ACBD3: variants seen among roughly 807,000 people sequenced by gnomAD.
ACBD3 encodes Golgi resident protein GCP60.
Under a neutral mutation model 66.9 loss-of-function variants are expected in ACBD3, and 30 were observed. The observed-to-expected ratio is 0.45, with a 90% confidence interval of 0.34 to 0.61. The LOEUF (loss-of-function observed/expected upper bound fraction) is 0.61. ACBD3 is among the 20% of genes least tolerant of loss of function. ACBD3 has a pLI of 0.02. For missense variants in ACBD3, 544 were observed against 664.5 expected, an observed-to-expected ratio of 0.82 and a Z score of 1.99; for synonymous variants, 278 against 259.8, an observed-to-expected ratio of 1.07 and a Z score of -0.68.
intron 1 of ACBD3, among the ~76,000 whole-genome samples, chr1:226,169,551 C>T (rs1659947745): frequency 8.1e-6 from 1 of 123,576 alleles, no homozygotes; most frequent in South Asian, 2.9e-4. Context: ...GCCTGGACTG[C>T]CTGGCTATTT....
intron 1 of ACBD3, among the ~76,000 whole-genome samples, chr1:226,180,652 C>T (rs1481227810): frequency 2.0e-5 from 3 of 152,132 alleles, no homozygotes; most frequent in African/African-American, 4.8e-5. Flanking sequence ...CTTTAGTGCA[C>T]TGCATGTGTG....
At chr1:226,182,344 C>T (rs892886370) in intron 1 of ACBD3, among the ~76,000 whole-genome samples, 14 of 151,730 alleles carry the variant, frequency 9.2e-5, no homozygotes, top group African/African-American at 3.4e-4. Context: ...TGGCCAGGCG[C>T]GGTGGTTCAC....
chr1:226,179,911 G>A (rs763693650), intron 1 of ACBD3, among the ~76,000 whole-genome samples: 11 of 151,966 alleles, frequency 7.2e-5, no homozygotes, highest in South Asian at 2.1e-4. Context: ...AGCAGCTCAC[G>A]CCTGTAATCC....
At chr1:226,184,384 T>C (rs1320251154) in intron 1 of ACBD3, among the ~76,000 whole-genome samples, 1 of 152,220 alleles carries the variant, frequency 6.6e-6, no homozygotes, top group Non-Finnish European at 1.5e-5. Flanking sequence ...GGATATTGCT[T>C]TGAGAACTTC....
intron 1 of ACBD3, among the ~76,000 whole-genome samples, chr1:226,182,557 G>C (rs1656195461): frequency 6.6e-6 from 1 of 152,020 alleles, no homozygotes; most frequent in Non-Finnish European, 1.5e-5. Context: ...GAGGTTGCAG[G>C]GAGTGGAGAT....
chr1:226,177,620 G>A (rs535642936), intron 1 of ACBD3, among the ~76,000 whole-genome samples: 1 of 152,228 alleles, frequency 6.6e-6, no homozygotes, highest in East Asian at 1.9e-4. Context: ...CCATAGACTA[G>A]GGGAGTCAGA....
intron 4 of ACBD3, among the ~76,000 whole-genome samples, chr1:226,161,157 T>TTTTTTTTTTA (rs10674358): frequency 7.3e-5 from 11 of 151,266 alleles, no homozygotes; most frequent in South Asian, 2.1e-4. Context: ...TTTTTTTTTT[T>TTTTTTTTTTA]GAGACGGAGT....
chr1:226,175,192 T>G (rs985186233), intron 1 of ACBD3, among the ~76,000 whole-genome samples: 2 of 152,080 alleles, frequency 1.3e-5, no homozygotes, highest in Non-Finnish European at 2.9e-5. Context: ...ATCTAGACTT[T>G]TATGCCCAAT....
At chr1:226,160,470 A>G (rs1558126038) in intron 4 of ACBD3, among the ~76,000 whole-genome samples, 1 of 152,186 alleles carries the variant, frequency 6.6e-6, no homozygotes, top group African/African-American at 2.4e-5. Context: ...ATAACAAAGC[A>G]AAGCCTCACA....
intron 3 of ACBD3, among the ~76,000 whole-genome samples, chr1:226,162,219 T>C (rs1367552672): frequency 6.7e-6 from 1 of 149,968 alleles, no homozygotes; most frequent in Non-Finnish European, 1.5e-5. Context: ...AGCCAAAGGA[T>C]AGAAATACAT....
intron 1 of ACBD3, among the ~76,000 whole-genome samples, chr1:226,166,227 C>T (rs1016883175): frequency 2.0e-5 from 3 of 151,582 alleles, no homozygotes; most frequent in Non-Finnish European, 2.9e-5. Context: ...GTGATGAAGG[C>T]TCACTGAAGC....
Position 226,182,137 on chromosome 1 carries a change from G to A in ACBD3, c.286+4253C>T, listed in dbSNP as rs571723541. On this transcript the variant is annotated intron_variant, in intron 1 of 7. Transcript: ENST00000366812. Reference sequence around the variant, plus strand: ...TCCCAGTCACACAGGAGGATGAGGTGGGAGGATGGCTTGAGCCTGGGAGGC... The same window carrying A: ...TCCCAGTCACACAGGAGGATGAGGTAGGAGGATGGCTTGAGCCTGGGAGGC... 2.0e-5 allele frequency among the ~76,000 whole-genome samples: 3 copies of A among 152,116 alleles called. No homozygotes were observed. The South Asian group carries it at 6.2e-4, about 32-fold the overall frequency.
rs369852670 is a variant in ACBD3 at position 226,161,146 on chromosome 1, C to CTTTTTT, written c.728+379_728+384dup. On this transcript the variant is annotated intron_variant, in intron 4 of 7. Transcript: ENST00000366812. Reference sequence around the variant, plus strand: ...AACCCCCAAACCTTCTAATACATTCCTTTTTTTTTTTGAGACGGAGTTTCA... The same window carrying CTTTTTT: ...AACCCCCAAACCTTCTAATACATTCCTTTTTTTTTTTTTTTTTGAGACGGAGTTTCA... 1.6e-4 allele frequency among the ~76,000 whole-genome samples: 21 copies of CTTTTTT among 134,268 alleles called. 3 individuals carry two copies. Among genetic ancestry groups the CTTTTTT allele is most frequent in the East Asian group, 2.1e-4 (1 of 4,674 alleles). The allele number at this position is 134,268 out of a possible 152,430, so 88.1% of individuals were successfully genotyped here.
chr1:226,149,313 ACCT>A (rs1659517351), intron 7 of ACBD3, among the ~76,000 whole-genome samples: 1 of 144,664 alleles, frequency 6.9e-6, no homozygotes, highest in Non-Finnish European at 1.5e-5. Flanking sequence ...TGCAATCTCC[ACCT>A]CCCGGGTTCA....
intron 1 of ACBD3, among the ~76,000 whole-genome samples, chr1:226,169,413 A>C (rs1366754816): frequency 6.6e-6 from 1 of 151,280 alleles, no homozygotes; most frequent in African/African-American, 2.4e-5. Flanking sequence ...ATGCTCGGCT[A>C]ATTTTTTTTG....
In ACBD3 at chr1:226,169,623, G is replaced by A. The variant is rs866928643; in HGVS notation, c.287-3623C>T. On this transcript the variant is annotated intron_variant, in intron 1 of 7. Coordinates refer to ENST00000366812, the MANE Select transcript of ACBD3 (RefSeq NM_022735.4). ...GATGGGGTTTCACTGCTTTAGCCAGGATGGTCTCGATCTCCTGACCTCGTG... is the reference window on the plus strand; with the variant it reads ...GATGGGGTTTCACTGCTTTAGCCAGAATGGTCTCGATCTCCTGACCTCGTG... 3.0e-4 allele frequency among the ~76,000 whole-genome samples: 42 copies of A among 140,094 alleles called. 1 individual carries two copies. Among genetic ancestry groups the A allele is most frequent in the South Asian group, 9.0e-4 (4 of 4,454 alleles). The allele number at this position is 140,094 out of a possible 152,430, so 91.9% of individuals were successfully genotyped here.
intron 1 of ACBD3, among the ~76,000 whole-genome samples, chr1:226,174,570 G>T (rs1357226938): frequency 6.6e-6 from 1 of 151,678 alleles, no homozygotes; most frequent in African/African-American, 2.4e-5. Flanking sequence ...TTCGAGACCA[G>T]CCTGACCAAC....
chr1:226,157,722 T>G (rs562472270), intron 5 of ACBD3, among the ~76,000 whole-genome samples: 1 of 152,122 alleles, frequency 6.6e-6, no homozygotes, highest in Non-Finnish European at 1.5e-5. Flanking sequence ...TTTTTCTTTT[T>G]TAAGAGATGG....
At position 226,145,408 on chromosome 1, in the gene ACBD3, T is replaced by C. The variant is rs1200883166; in HGVS notation, c.*1202A>G. The stretch of plus-strand genomic sequence containing the variant: ...AAGTGTATATTGCCATCTTTGTCAT[T>C]TTCTATCTATACCACTCTCCCTTCT... On this transcript the variant is annotated 3_prime_UTR_variant, in exon 8 of 8. Transcript: ENST00000366812. The C allele has an allele frequency of 1.3e-5, 2 of 152,448 alleles. No homozygotes were observed. Among genetic ancestry groups the C allele is most frequent in the African/African-American group, 4.8e-5 (2 of 41,462 alleles). The allele number at this position is 152,448 out of a possible 1,614,324, so 9.4% of individuals were successfully genotyped here.
Sources: allele counts gnomAD v4.1 joint callset (sites outside exome capture counted in the v4.1 genomes callset), GRCh38; gene constraint gnomAD v4.1.1; transcripts MANE v1.5; gene names NCBI Gene and HGNC (gene_info 2026-07-23, HGNC 2026-07-21).